ROR1: variants seen among roughly 807,000 people sequenced by gnomAD.
The protein encoded by ROR1 is ROR family WNT receptor 1.
ROR1 carries 19 observed loss-of-function variants against 78.8 expected under a neutral mutation model. The ratio of observed to expected loss-of-function variants is 0.24; its 90% CI spans 0.17 to 0.35. ROR1 has a LOEUF of 0.35. Ranked by LOEUF, ROR1 falls within the 10% of genes least tolerant of loss-of-function variation. The probability of loss-of-function intolerance (pLI) is 1.00; values close to 1 mark genes in which losing one functional copy is unlikely to be tolerated. For missense variants in ROR1, 917 were observed against 1,177.8 expected (o/e 0.78, Z 3.24); for synonymous variants, 386 against 433.6 (o/e 0.89, Z 1.36).
intron 1 of ROR1, among the ~76,000 whole-genome samples, chr1:63,890,468 A>G (rs1248310222): frequency 6.6e-6 from 1 of 151,100 alleles, no homozygotes; most frequent in African/African-American, 2.4e-5. Context: ...AAAAAGACTA[A>G]TTTCCTGCCC....
intron 1 of ROR1, among the ~76,000 whole-genome samples, chr1:63,827,746 C>T (rs1210503265): frequency 6.6e-6 from 1 of 152,150 alleles, no homozygotes; most frequent in African/African-American, 2.4e-5. Context: ...AGCTGGTGCC[C>T]TACTCACTGC....
intron 4 of ROR1, among the ~76,000 whole-genome samples, chr1:64,087,431 A>AC (rs1472991162): frequency 6.6e-6 from 1 of 152,226 alleles, no homozygotes; most frequent in African/African-American, 2.4e-5. Context: ...AAGATGGCAG[A>AC]CCAAGGCCAG....
chr1:63,971,227 C>G (rs572369351), intron 1 of ROR1, among the ~76,000 whole-genome samples: 1 of 152,282 alleles, frequency 6.6e-6, no homozygotes, highest in African/African-American at 2.4e-5. Flanking sequence ...AGGTATATGA[C>G]CTTGGGCAAA....
At chr1:63,984,973 G>A (rs746831696) in intron 1 of ROR1, among the ~76,000 whole-genome samples, 1 of 152,152 alleles carries the variant, frequency 6.6e-6, no homozygotes, top group Non-Finnish European at 1.5e-5. Flanking sequence ...TCTGTCTTCC[G>A]AAGGAGGGCT....
intron 1 of ROR1, among the ~76,000 whole-genome samples, chr1:63,778,308 T>A (rs1644629590): frequency 6.6e-6 from 1 of 152,254 alleles, no homozygotes; most frequent in Admixed American, 6.5e-5. Flanking sequence ...GGTTCTGTAT[T>A]TATAGCTATA....
At chr1:63,962,988 A>T (rs886276513) in intron 1 of ROR1, among the ~76,000 whole-genome samples, 4 of 152,250 alleles carry the variant, frequency 2.6e-5, no homozygotes, top group Admixed American at 1.3e-4. Flanking sequence ...AAGAAGGGAC[A>T]GATATGAGAA....
intron 4 of ROR1, chr1:64,106,105 T>C (rs1647794453): frequency 6.6e-6 from 1 of 152,240 alleles, no homozygotes; most frequent in Non-Finnish European, 1.5e-5. Flanking sequence ...GGAATGTTTT[T>C]CCATTTGTTT....
intron 1 of ROR1, among the ~76,000 whole-genome samples, chr1:63,910,855 A>G (rs973261027): frequency 7.2e-5 from 11 of 152,212 alleles, no homozygotes; most frequent in Non-Finnish European, 1.5e-5. Context: ...TTTGTAGTGC[A>G]GTGGGTTGAA....
chr1:63,986,880 A>G (rs1646257271), intron 1 of ROR1, among the ~76,000 whole-genome samples: 1 of 151,644 alleles, frequency 6.6e-6, no homozygotes, highest in Non-Finnish European at 1.5e-5. Context: ...TGACAGAGTG[A>G]GACCCTGTCT....
chr1:63,986,196 G>T (rs1337188403), intron 1 of ROR1, among the ~76,000 whole-genome samples: 1 of 152,176 alleles, frequency 6.6e-6, no homozygotes, highest in Non-Finnish European at 1.5e-5. Flanking sequence ...AAGAATCAAA[G>T]ACCATAAGCA....
intron 8 of ROR1, among the ~76,000 whole-genome samples, chr1:64,173,439 C>G (rs1650294521): frequency 6.6e-6 from 1 of 152,158 alleles, no homozygotes; most frequent in Non-Finnish European, 1.5e-5. Context: ...ATACTGAAGG[C>G]TAACCTAGCT....
intron 4 of ROR1, among the ~76,000 whole-genome samples, chr1:64,114,589 G>T (rs1292793211): frequency 6.6e-6 from 1 of 152,056 alleles, no homozygotes; most frequent in Non-Finnish European, 1.5e-5. Flanking sequence ...TCCACAACAG[G>T]GCCCAGGGTA....
intron 4 of ROR1, among the ~76,000 whole-genome samples, chr1:64,062,455 G>A (rs1646924796): frequency 6.6e-6 from 1 of 152,124 alleles, no homozygotes; most frequent in Non-Finnish European, 1.5e-5. Context: ...GGGACTACAG[G>A]CGCCCGCCAC....
At chr1:64,078,717 T>A (rs1280996126) in intron 4 of ROR1, among the ~76,000 whole-genome samples, 1 of 151,920 alleles carries the variant, frequency 6.6e-6, no homozygotes, top group Non-Finnish European at 1.5e-5. Flanking sequence ...AGAATAGGTG[T>A]TGGGAGGCAG....
At chr1:63,846,138 G>A (rs1287983507) in intron 1 of ROR1, among the ~76,000 whole-genome samples, 1 of 90,158 alleles carries the variant, frequency 1.1e-5, no homozygotes, top group Non-Finnish European at 2.7e-5. Context: ...GTGTGTGTGT[G>A]TGTGTGTGTG....
rs540568866 is a variant in ROR1 at position 63,884,954 on chromosome 1, C to A, written c.91+110446C>A. 5.3e-5 allele frequency among the ~76,000 whole-genome samples: 8 copies of A among 152,038 alleles called. No individual in the cohort carries two copies. The East Asian group carries it at 1.4e-3, about 26-fold the overall frequency. ...CAGACTGCCTTCATGTGAATCCAAG[C>A]GCTGCTGCTCACCTGCTGAGTAACT... On this transcript the variant is annotated intron_variant, in intron 1 of 8. Coordinates refer to ENST00000371079, the MANE Select transcript of ROR1 (RefSeq NM_005012.4).
chr1:63,912,920 G>C (rs148424088), intron 1 of ROR1, among the ~76,000 whole-genome samples: 6 of 152,118 alleles, frequency 3.9e-5, no homozygotes, highest in African/African-American at 1.4e-4. Context: ...GAGGAGAAGC[G>C]CTTCAGATAA....
At chr1:64,147,047 A>AT (rs1321820333) in intron 7 of ROR1, among the ~76,000 whole-genome samples, 3 of 152,132 alleles carry the variant, frequency 2.0e-5, no homozygotes, top group African/African-American at 7.2e-5. Flanking sequence ...TCATTTGAAG[A>AT]TTTTTCTGAA....
At chr1:63,941,277 C>T (rs1645837361) in intron 1 of ROR1, among the ~76,000 whole-genome samples, 2 of 151,954 alleles carry the variant, frequency 1.3e-5, no homozygotes, top group South Asian at 4.2e-4. Context: ...TATTAAGGGG[C>T]AAAGGGATAT....
Sources: gnomAD v4.1 joint callset for allele counts (sites outside exome capture counted in the v4.1 genomes callset) on GRCh38, gnomAD v4.1.1 for gene constraint, MANE v1.5 for transcripts, NCBI Gene and HGNC (gene_info 2026-07-23, HGNC 2026-07-21) for gene names.